The following RNF144A variants were observed in gnomAD, a reference collection of about 807,000 sequenced individuals.
The protein encoded by RNF144A is ring finger protein 144A.
In RNF144A, 11 loss-of-function variants were observed where a neutral mutation model predicts 38.7. The ratio of observed to expected loss-of-function variants is 0.28; its 90% CI spans 0.18 to 0.47. The LOEUF (loss-of-function observed/expected upper bound fraction) is 0.47, where lower values mean the gene tolerates loss of function less well. Ranked by LOEUF, RNF144A falls within the 20% of genes least tolerant of loss-of-function variation. The pLI is 0.99. For synonymous variants in RNF144A, 149 were observed against 143.9 expected (o/e 1.04, Z -0.25); for missense variants, 316 against 377.2 (o/e 0.84, Z 1.34).
chr2:7,069,457 C>T (rs796602952), downstream of RNF144A, among the ~76,000 whole-genome samples: 38 of 152,268 alleles, frequency 2.5e-4, no homozygotes, highest in African/African-American at 8.9e-4. Context: ...TGAGTGGCTT[C>T]AATACCTTCA....
chr2:7,039,870 T>C lies in RNF144A; in HGVS notation c.*110T>C. 3 of 1,496,548 alleles carry C rather than the reference T, an allele frequency of 2.0e-6. No individual in the cohort carries two copies. Among genetic ancestry groups the C allele is most frequent in the South Asian group, 2.7e-5 (2 of 74,726 alleles). 92.7% of individuals were successfully genotyped at this position (1,496,548 alleles called of 1,614,324 possible). The stretch of plus-strand genomic sequence containing the variant: ...CATCTTTCTTGCCTTATGTGCCCCA[T>C]TGAGCTTCACAGTGTCAGGCTGGAC... On this transcript the variant is annotated 3_prime_UTR_variant, in exon 9 of 9. Coordinates refer to ENST00000320892, the MANE Select transcript of RNF144A (RefSeq NM_014746.6).
chr2:6,974,657 A>C (rs1470577603), intron 2 of RNF144A, among the ~76,000 whole-genome samples: 2 of 152,162 alleles, frequency 1.3e-5, no homozygotes, highest in Admixed American at 6.5e-5. Context: ...TAAGTCTTAC[A>C]TTCACATTGC....
chr2:7,040,262 C>T lies in RNF144A; in HGVS notation c.*502C>T, dbSNP rs940658325. 1.3e-5 allele frequency: 13 copies of T among 985,230 alleles called. No individual in the cohort carries two copies. The Admixed American group carries it at 6.8e-4, about 51-fold the overall frequency. 61.0% of individuals were successfully genotyped at this position (985,230 alleles called of 1,614,324 possible). ...TCCTTTTTAGAAGGTATTTTTTTTC[C>T]AACTGAGTAGTGAAAATCAACAAGG... is the stretch of plus-strand genomic sequence containing the variant. On this transcript the variant is annotated 3_prime_UTR_variant, in exon 9 of 9. Coordinates refer to ENST00000320892, the MANE Select transcript of RNF144A (RefSeq NM_014746.6).
intron 2 of RNF144A, among the ~76,000 whole-genome samples, chr2:6,961,542 TG>T (rs1243169423): frequency 6.6e-6 from 1 of 152,212 alleles, no homozygotes; most frequent in Non-Finnish European, 1.5e-5. Context: ...TTTGGAGAGA[TG>T]AGACATGCAT....
intron 1 of RNF144A, among the ~76,000 whole-genome samples, chr2:6,920,082 G>A (rs1027846145): frequency 6.6e-6 from 1 of 152,228 alleles, no homozygotes; most frequent in African/African-American, 2.4e-5. Flanking sequence ...CTGAGGTTCA[G>A]GGGTAGAAGT....
intron 2 of RNF144A, among the ~76,000 whole-genome samples, chr2:6,969,991 A>G (rs1221848855): frequency 6.6e-6 from 1 of 152,040 alleles, no homozygotes; most frequent in African/African-American, 2.4e-5. Flanking sequence ...CGATCTCCTG[A>G]CCTTGTGATC....
intron 2 of RNF144A, among the ~76,000 whole-genome samples, chr2:6,990,385 TACACACAC>T (rs60196595): frequency 0.041 from 5,053 of 123,776 alleles, 169 homozygotes; most frequent in South Asian, 0.1. Flanking sequence ...TATATATATT[TACACACAC>T]ACACACACAC....
chr2:7,044,514 C>G (rs1319571525), downstream of RNF144A, among the ~76,000 whole-genome samples: 1 of 152,190 alleles, frequency 6.6e-6, no homozygotes, highest in Non-Finnish European at 1.5e-5. Flanking sequence ...ATCTCATCCC[C>G]ACTCAGGGCG....
downstream of RNF144A, among the ~76,000 whole-genome samples, chr2:7,072,476 G>C (rs1674518504): frequency 1.3e-5 from 2 of 152,194 alleles, no homozygotes; most frequent in Middle Eastern, 3.2e-3. Context: ...TGCCTGTCAG[G>C]CTTGTAGAAT....
At chr2:7,036,242 T>C (rs1672670935) in intron 8 of RNF144A, among the ~76,000 whole-genome samples, 1 of 152,230 alleles carries the variant, frequency 6.6e-6, no homozygotes, top group Admixed American at 6.5e-5. Flanking sequence ...CATCAGCATC[T>C]GACAAGGGAG....
chr2:6,951,428 A>G (rs933757393), intron 2 of RNF144A, among the ~76,000 whole-genome samples: 6 of 152,176 alleles, frequency 3.9e-5, no homozygotes, highest in African/African-American at 1.4e-4. Context: ...GTTTGGCTAT[A>G]CCTGGTCCTC....
At chr2:7,015,274 A>G (rs1294846398) in intron 5 of RNF144A, among the ~76,000 whole-genome samples, 1 of 152,210 alleles carries the variant, frequency 6.6e-6, no homozygotes, top group Non-Finnish European at 1.5e-5. Flanking sequence ...TGGTGAATGA[A>G]TAATCAAGTC....
intron 2 of RNF144A, among the ~76,000 whole-genome samples, chr2:6,986,499 A>G (rs1179271131): frequency 6.6e-6 from 1 of 152,176 alleles, no homozygotes; most frequent in African/African-American, 2.4e-5. Flanking sequence ...AAGATCAGCA[A>G]GTACTGACCT....
At chr2:6,919,963 C>G (rs776210173) in intron 1 of RNF144A, among the ~76,000 whole-genome samples, 21 of 152,212 alleles carry the variant, frequency 1.4e-4, no homozygotes, top group Non-Finnish European at 2.9e-4. Context: ...CCTCAGCTTG[C>G]TAGTTGGTAA....
At chr2:7,016,127 GAA>G (rs1327536750) in intron 5 of RNF144A, among the ~76,000 whole-genome samples, 2,672 of 134,148 alleles carry the variant, frequency 0.02, 88 homozygotes, top group African/African-American at 0.071. Context: ...AAAAAAGAAA[GAA>G]AAAGAAAAAA....
chr2:6,972,614 A>T (rs1668065869), intron 2 of RNF144A, among the ~76,000 whole-genome samples: 1 of 151,980 alleles, frequency 6.6e-6, no homozygotes, highest in Admixed American at 6.5e-5. Flanking sequence ...AAACCATCTT[A>T]CCTTAGAGAT....
chr2:6,956,777 C>T (rs1054690766), intron 2 of RNF144A, among the ~76,000 whole-genome samples: 1 of 152,212 alleles, frequency 6.6e-6, no homozygotes, highest in African/African-American at 2.4e-5. Context: ...TCCACTCCCT[C>T]ATACATTATC....
At chr2:6,975,983 C>G (rs1043520580) in intron 2 of RNF144A, among the ~76,000 whole-genome samples, 1 of 152,202 alleles carries the variant, frequency 6.6e-6, no homozygotes, top group Non-Finnish European at 1.5e-5. Flanking sequence ...GCTTTTTCAT[C>G]CTTTCTTCAG....
chr2:7,042,814 A>G lies in RNF144A; in HGVS notation c.*3054A>G. The G allele has an allele frequency of 6.1e-6, 6 of 985,422 alleles. No homozygotes were observed. The highest frequency in any genetic ancestry group is 1.7e-5 in the African/African-American group (1 of 57,368). 61.0% of individuals were successfully genotyped at this position (985,422 alleles called of 1,614,324 possible). Reference sequence around the variant, plus strand: ...CAAATTAGTTCTTCCTCCTCAACTCATAGGAGTAGCTGTGGACAGAGGAAC... The same window carrying G: ...CAAATTAGTTCTTCCTCCTCAACTCGTAGGAGTAGCTGTGGACAGAGGAAC... On this transcript the variant is annotated 3_prime_UTR_variant, in exon 9 of 9. Coordinates refer to ENST00000320892, the MANE Select transcript of RNF144A (RefSeq NM_014746.6).
Sources: gnomAD v4.1 joint callset for allele counts (sites outside exome capture counted in the v4.1 genomes callset) on GRCh38, gnomAD v4.1.1 for gene constraint, MANE v1.5 for transcripts, NCBI Gene and HGNC (gene_info 2026-07-23, HGNC 2026-07-21) for gene names.